Variants in ENTREP2 observed in about 807,000 individuals in gnomAD.
ENTREP2 encodes protein ENTREP2.
chr15:29,224,307 G>A, the ENTREP2 span, among the ~76,000 whole-genome samples: 2 of 152,120 alleles, frequency 1.3e-5, no homozygotes, highest in African/African-American at 2.4e-5. Context: ...AGGTGATAAA[G>A]GCAGTTTGGA....
the ENTREP2 span, among the ~76,000 whole-genome samples, chr15:29,336,458 A>ACAC: frequency 2.6e-5 from 4 of 151,854 alleles, no homozygotes; most frequent in Non-Finnish European, 5.9e-5. Context: ...CTATAGGCAC[A>ACAC]CACCACCACA....
At chr15:29,669,479 G>A in the ENTREP2 span, among the ~76,000 whole-genome samples, 1 of 152,138 alleles carries the variant, frequency 6.6e-6, no homozygotes, top group Non-Finnish European at 1.5e-5. Flanking sequence ...ATTCAACCTT[G>A]GACTTCCCAG....
chr15:29,460,355 G>A, the ENTREP2 span, among the ~76,000 whole-genome samples: 1 of 152,178 alleles, frequency 6.6e-6, no homozygotes, highest in Admixed American at 6.5e-5. Flanking sequence ...GTCTGCCTGG[G>A]TGCGGTGGCT....
the ENTREP2 span, among the ~76,000 whole-genome samples, chr15:29,659,482 A>AAATAAT: frequency 1.3e-5 from 2 of 151,820 alleles, no homozygotes; most frequent in Non-Finnish European, 2.9e-5. Flanking sequence ...AAAAAATAAA[A>AAATAAT]AATAATAATA....
At chr15:29,256,544 A>G in the ENTREP2 span, among the ~76,000 whole-genome samples, 1 of 152,246 alleles carries the variant, frequency 6.6e-6, no homozygotes, top group African/African-American at 2.4e-5. Flanking sequence ...GACTGAAAAT[A>G]GTTTAACATT....
the ENTREP2 span, among the ~76,000 whole-genome samples, chr15:29,246,925 T>TA: frequency 4.0e-3 from 565 of 142,940 alleles, 5 homozygotes; most frequent in African/African-American, 6.9e-3. Context: ...CCCACGTGTG[T>TA]AAAAAAAAAT....
the ENTREP2 span, among the ~76,000 whole-genome samples, chr15:29,173,077 G>A: frequency 2.6e-5 from 4 of 152,208 alleles, no homozygotes; most frequent in African/African-American, 4.8e-5. Flanking sequence ...AGTACACATC[G>A]TGCTACCATA....
chr15:29,467,042 G>C, the ENTREP2 span, among the ~76,000 whole-genome samples: 5 of 120,604 alleles, frequency 4.1e-5, no homozygotes, highest in South Asian at 6.0e-4. Flanking sequence ...GATGCTGATG[G>C]CCCCAGGGGA....
chr15:29,455,591 T>C, the ENTREP2 span, among the ~76,000 whole-genome samples: 1 of 152,184 alleles, frequency 6.6e-6, no homozygotes, highest in Non-Finnish European at 1.5e-5. Flanking sequence ...CACAGCCAGT[T>C]CTCCCTTCTC....
chr15:29,323,505 A>G, the ENTREP2 span, among the ~76,000 whole-genome samples: 1 of 152,124 alleles, frequency 6.6e-6, no homozygotes, highest in Non-Finnish European at 1.5e-5. Context: ...CTTTATAACA[A>G]ACCAGTAAAT....
the ENTREP2 span, among the ~76,000 whole-genome samples, chr15:29,466,396 G>A: frequency 6.6e-6 from 1 of 152,074 alleles, no homozygotes; most frequent in Non-Finnish European, 1.5e-5. Context: ...GAGAGCCCAG[G>A]AGAGGACGCT....
chr15:29,272,896 C>A, the ENTREP2 span, among the ~76,000 whole-genome samples: 1 of 152,088 alleles, frequency 6.6e-6, no homozygotes, highest in Non-Finnish European at 1.5e-5. Flanking sequence ...CTGGCCAGAA[C>A]TACTCCATGG....
chr15:29,208,340 A>T, the ENTREP2 span, among the ~76,000 whole-genome samples: 6 of 152,208 alleles, frequency 3.9e-5, no homozygotes, highest in African/African-American at 1.4e-4. Flanking sequence ...ATACATAAAG[A>T]CATTGTAAAA....
chr15:29,256,871 CAT>C, the ENTREP2 span, among the ~76,000 whole-genome samples: 1 of 152,002 alleles, frequency 6.6e-6, no homozygotes, highest in Admixed American at 6.5e-5. Flanking sequence ...ATCCTCCCAT[CAT>C]TTTTTAGTAA....
At chr15:29,636,326 G>A in the ENTREP2 span, among the ~76,000 whole-genome samples, 1 of 152,228 alleles carries the variant, frequency 6.6e-6, no homozygotes, top group Admixed American at 6.5e-5. Context: ...GCAAAGTCCT[G>A]GAATGTGCTT....
At chr15:29,559,972 G>C in the ENTREP2 span, among the ~76,000 whole-genome samples, 29 of 152,186 alleles carry the variant, frequency 1.9e-4, no homozygotes, top group East Asian at 5.2e-3. Flanking sequence ...CCCAATACCT[G>C]GTCCACAAAA....
the ENTREP2 span, among the ~76,000 whole-genome samples, chr15:29,652,455 G>C: frequency 2.0e-5 from 3 of 152,336 alleles, no homozygotes; most frequent in Admixed American, 6.5e-5. Flanking sequence ...GGCAAGTCTA[G>C]AAGTGCTGTA....
At chr15:29,173,311 C>T in the ENTREP2 span, among the ~76,000 whole-genome samples, 15 of 152,318 alleles carry the variant, frequency 9.8e-5, no homozygotes, top group South Asian at 6.2e-4. Flanking sequence ...TCTGCTTCTA[C>T]GTGACTATGA....
chr15:29,224,381 G>A, the ENTREP2 span, among the ~76,000 whole-genome samples: 2 of 152,152 alleles, frequency 1.3e-5, no homozygotes, highest in South Asian at 4.1e-4. Context: ...CACACTTGTG[G>A]AAGGGAACTG....
Sources: gnomAD v4.1 joint callset for allele counts (sites outside exome capture counted in the v4.1 genomes callset) on GRCh38, gnomAD v4.1.1 for gene constraint, MANE v1.5 for transcripts, NCBI Gene and HGNC (gene_info 2026-07-23, HGNC 2026-07-21) for gene names.